Variants in FABP1 observed in about 807,000 individuals in gnomAD.
The protein encoded by FABP1 is fatty acid-binding protein, liver.
FABP1 carries 13 observed loss-of-function variants against 13.7 expected under a neutral mutation model. That is an observed-to-expected ratio of 0.95 (90% CI 0.62 to 1.51). The LOEUF is 1.51. FABP1 is among the 40% of genes most tolerant of loss of function. The pLI, the probability that FABP1 is intolerant of heterozygous loss-of-function variation, is 0.00. For missense variants in FABP1, 140 were observed against 155.7 expected, an observed-to-expected ratio of 0.90 and a Z score of 0.54; for synonymous variants, 48 against 59.8, an observed-to-expected ratio of 0.80 and a Z score of 0.91.
At chr2:88,126,013 A>ATT in intron 2 of FABP1, 163 bp downstream of exon 2, 1 of 705,984 alleles carries the variant, frequency 1.4e-6, no homozygotes, top group South Asian at 2.4e-5. Flanking sequence ...TCTCTATAAG[A>ATT]TTCTTCCCTA....
chr2:88,124,950 ATT>A (rs979775207), intron 2 of FABP1, among the ~76,000 whole-genome samples: 4 of 149,394 alleles, frequency 2.7e-5, no homozygotes, highest in Non-Finnish European at 5.9e-5. Flanking sequence ...GAGAATACAT[ATT>A]TTGCTTTGGT....
chr2:88,124,245 T>C, intron 3 of FABP1: 2 of 452,718 alleles, frequency 4.4e-6, no homozygotes, highest in Non-Finnish European at 7.7e-6. Flanking sequence ...ACCCTGGGCA[T>C]GCAGGGCAGG....
In FABP1 at chr2:88,123,013, A is replaced by G. The variant is rs1258154909; in HGVS notation, c.*41T>C. 2.6e-6 allele frequency: 4 copies of G among 1,529,784 alleles called. No individual in the cohort carries two copies. Among genetic ancestry groups the G allele is most frequent in the Non-Finnish European group, 3.6e-6 (4 of 1,120,736 alleles). The allele number at this position is 1,529,784 out of a possible 1,614,324, so 94.8% of individuals were successfully genotyped here. A position where few individuals can be genotyped will look rare whatever the true frequency, so the allele number is the denominator to read the frequency against. ...TTTAAAACAAAGTTCACTTTATTAC[A>G]TTAATTTTACACACTAAAATAATAT... On this transcript the variant is annotated 3_prime_UTR_variant, in exon 4 of 4. Coordinates refer to ENST00000295834, the MANE Select transcript of FABP1 (RefSeq NM_001443.3).
chr2:88,125,034 T>C (rs913032805), intron 2 of FABP1, among the ~76,000 whole-genome samples: 1 of 151,262 alleles, frequency 6.6e-6, no homozygotes, highest in African/African-American at 2.4e-5. Flanking sequence ...GGTCTTGAAC[T>C]CCTAGGCTCA....
intron 2 of FABP1, 112 bp downstream of exon 2, chr2:88,126,064 G>A: frequency 9.0e-7 from 1 of 1,107,528 alleles, no homozygotes; most frequent in Non-Finnish European, 1.3e-6. Flanking sequence ...CATGGGAGGT[G>A]GGTTCAGAGA....
Position 88,124,576 on chromosome 2 carries a change from T to A in FABP1, c.251A>T (p.Gln84Leu). The change falls in exon 3 of 4, where the codon CAG becomes CTG. Residue 84 changes from glutamine to leucine, a missense_variant. Coordinates refer to ENST00000295834, the MANE Select transcript of FABP1 (RefSeq NM_001443.3). ...CACCAGTTTATTGTCACCTTCCAACTGAACCACTGTCTGCAGGGAACAGAG... is the reference window on the plus strand; with the variant it reads ...CACCAGTTTATTGTCACCTTCCAACAGAACCACTGTCTGCAGGGAACAGAG... ...MTGEKVKTVV[Q>L]LEGDNKLVTT... is the part of the protein sequence containing the mutation. 1 of 1,610,838 alleles carries A rather than the reference T, an allele frequency of 6.2e-7. No homozygotes were observed. The highest frequency in any genetic ancestry group is 2.2e-5 in the East Asian group (1 of 44,742).
chr2:88,126,738 A>G (rs1437565219), intron 1 of FABP1: 2 of 174,812 alleles, frequency 1.1e-5, no homozygotes, highest in Non-Finnish European at 2.5e-5. Context: ...CTTCCAAGCT[A>G]GGTCCCTCCT....
intron 2 of FABP1, among the ~76,000 whole-genome samples, chr2:88,125,188 T>C (rs1530273): frequency 0.2 from 30,134 of 151,952 alleles, 3,780 homozygotes; most frequent in East Asian, 0.54. Context: ...CTGGAAGAGA[T>C]GACAGGAACC....
intron 2 of FABP1, among the ~76,000 whole-genome samples, chr2:88,125,685 T>A (rs1461741554): frequency 1.3e-5 from 2 of 152,246 alleles, no homozygotes; most frequent in African/African-American, 2.4e-5. Context: ...AGGCAGGGTC[T>A]GAGCACCTGT....
At chr2:88,126,406 G>A in intron 1 of FABP1, 58 bp from the exon 2 acceptor site, 1 of 1,557,290 alleles carries the variant, frequency 6.4e-7, no homozygotes, top group South Asian at 1.2e-5. Context: ...CATGACCGTG[G>A]TAGGTAGGTG....
intron 2 of FABP1, chr2:88,125,970 C>A (rs778118086): frequency 4.0e-6 from 2 of 499,406 alleles, no homozygotes; most frequent in Non-Finnish European, 7.1e-6. Context: ...CTGGAACACC[C>A]CCCAGACAGT....
intron 3 of FABP1, chr2:88,123,618 T>C (rs970055108): frequency 1.3e-5 from 2 of 153,200 alleles, no homozygotes; most frequent in African/African-American, 4.8e-5. Flanking sequence ...TTCTCTTGAA[T>C]AAGACTGCTG....
At chr2:88,127,030 A>G (rs1010899496) in intron 1 of FABP1, among the ~76,000 whole-genome samples, 19 of 152,038 alleles carry the variant, frequency 1.2e-4, no homozygotes, top group African/African-American at 4.6e-4. Flanking sequence ...CCTGCAGAAG[A>G]TCCTTCTCTG....
chr2:88,125,542 G>T (rs1675280271), intron 2 of FABP1, among the ~76,000 whole-genome samples: 1 of 152,168 alleles, frequency 6.6e-6, no homozygotes, highest in Non-Finnish European at 1.5e-5. Flanking sequence ...CCACACCCCA[G>T]CTGTCATTGC....
chr2:88,126,366 A>G lies in FABP1; in HGVS notation c.68-18T>C. 1 of 1,609,150 alleles carries G rather than the reference A, an allele frequency of 6.2e-7. No homozygotes were observed. Among genetic ancestry groups the G allele is most frequent in the Non-Finnish European group, 8.5e-7 (1 of 1,176,004 alleles). ...CGGCAGACCTGGTGGAAACCGTCTG[A>G]GGTTTAGATATGGGCAGAGGTGGGA... On this transcript the variant is annotated intron_variant, in intron 1 of 3. Coordinates refer to ENST00000295834, the MANE Select transcript of FABP1 (RefSeq NM_001443.3).
rs747705177 is a variant in FABP1 at position 88,123,131 on chromosome 2, G to A, written c.334-27C>T. On this transcript the variant is annotated intron_variant, in intron 3 of 3. Transcript: ENST00000295834. ...TGAAAGCCAGAAAAGAAATTATGAA[G>A]TGTTCATCTGATGTTGTATTGTAAA... 11 of 1,588,972 alleles carry A rather than the reference G, an allele frequency of 6.9e-6. No homozygotes were observed. The East Asian group carries it at 2.5e-4, about 36-fold the overall frequency.
At chr2:88,124,624 G>A (rs1675263944) in intron 2 of FABP1, 38 bp from the exon 3 acceptor site, 1 of 1,491,550 alleles carries the variant, frequency 6.7e-7, no homozygotes, top group Non-Finnish European at 9.3e-7. Context: ...AGGAAGGGGT[G>A]GTGGGGGGCA....
At chr2:88,127,438 T>C (rs1333451330) in intron 1 of FABP1, among the ~76,000 whole-genome samples, 1 of 152,216 alleles carries the variant, frequency 6.6e-6, no homozygotes, top group African/African-American at 2.4e-5. Context: ...GTACCCAGCT[T>C]AGTTTTTTGG....
rs1558865811 is a variant in FABP1 at position 88,124,527 on chromosome 2, AG to A, written c.299del (p.Ser100LeufsTer2). The stretch of plus-strand genomic sequence containing the variant: ...TTATGTCGCCGTTGAGTTCGGTCAC[AG>A]ACTTGATGTTTTTGAAAGTTGTCAC... ...KLVTTFKNIKSVTELNGDIIT... is the reference protein window; with the variant it reads ...KLVTTFKNIKXVTELNGDIIT... On this transcript the variant is annotated frameshift_variant, in exon 3 of 4. Coordinates refer to ENST00000295834, the MANE Select transcript of FABP1 (RefSeq NM_001443.3). LOFTEE classifies it high-confidence loss of function. 6.2e-7 allele frequency: 1 copy of A among 1,610,770 alleles called. No homozygotes were observed. Among genetic ancestry groups the A allele is most frequent in the South Asian group, 1.1e-5 (1 of 90,346 alleles).
Sources: allele counts gnomAD v4.1 joint callset (sites outside exome capture counted in the v4.1 genomes callset), GRCh38; gene constraint gnomAD v4.1.1; transcripts MANE v1.5; gene names NCBI Gene and HGNC (gene_info 2026-07-23, HGNC 2026-07-21).